GULP1: variants seen among roughly 807,000 people sequenced by gnomAD.
GULP1 encodes PTB domain-containing engulfment adapter protein 1.
Under a neutral mutation model 40.9 loss-of-function variants are expected in GULP1, and 19 were observed. That is an observed-to-expected ratio of 0.46 (90% CI 0.32 to 0.68). GULP1 has a LOEUF of 0.68. Among genes scored for constraint, GULP1 ranks in the 30% least tolerant of loss-of-function variants. The probability of loss-of-function intolerance (pLI) is 0.03; values close to 1 mark genes in which losing one functional copy is unlikely to be tolerated. For synonymous variants in GULP1, 119 were observed against 117.6 expected, an observed-to-expected ratio of 1.01 and a Z score of -0.08; for missense variants, 312 against 362.2, an observed-to-expected ratio of 0.86 and a Z score of 1.12.
At chr2:188,413,076 C>T (rs2054120266) in intron 2 of GULP1, among the ~76,000 whole-genome samples, 1 of 152,184 alleles carries the variant, frequency 6.6e-6, no homozygotes, top group South Asian at 2.1e-4. Context: ...AACTCAGGCT[C>T]TTCCGATTGA....
At chr2:188,592,044 A>G (rs1703662640) in intron 11 of GULP1, 1 of 151,988 alleles carries the variant, frequency 6.6e-6, no homozygotes, top group South Asian at 2.1e-4. Flanking sequence ...AGGATCCTTA[A>G]AAAGTCAATA....
At chr2:188,306,312 C>CT (rs35180734) in intron 1 of GULP1, among the ~76,000 whole-genome samples, 3 of 151,992 alleles carry the variant, frequency 2.0e-5, no homozygotes, top group South Asian at 2.1e-4. Flanking sequence ...GTTTATTTTC[C>CT]TTTTTTTAAA....
intron 2 of GULP1, among the ~76,000 whole-genome samples, chr2:188,393,363 G>A (rs1047990203): frequency 6.6e-6 from 1 of 151,672 alleles, no homozygotes; most frequent in South Asian, 2.1e-4. Context: ...CTGCTTTAAA[G>A]TATGTTTATC....
chr2:188,305,645 C>A (rs1449409643), intron 1 of GULP1, among the ~76,000 whole-genome samples: 1 of 152,322 alleles, frequency 6.6e-6, no homozygotes, highest in Non-Finnish European at 1.5e-5. Context: ...GGATGAAAAA[C>A]AATATATAAT....
At chr2:188,416,508 T>A (rs532303094) in intron 2 of GULP1, among the ~76,000 whole-genome samples, 3 of 152,296 alleles carry the variant, frequency 2.0e-5, no homozygotes, top group South Asian at 4.1e-4. Flanking sequence ...TCAGATTGAT[T>A]ACAGCAAATC....
intron 1 of GULP1, among the ~76,000 whole-genome samples, chr2:188,297,209 G>A (rs928107620): frequency 1.3e-5 from 2 of 150,238 alleles, no homozygotes; most frequent in East Asian, 2.0e-4. Context: ...TTATACCTCC[G>A]AAAGAAGAGA....
rs562722304 is a variant in GULP1 at position 188,376,986 on chromosome 2, A to T, written c.-171-6777A>T. 3.9e-5 allele frequency among the ~76,000 whole-genome samples: 6 copies of T among 152,282 alleles called. No homozygotes were observed. In the South Asian group the frequency reaches 1.2e-3, roughly 32 times the overall value. On this transcript the variant is annotated intron_variant, in intron 1 of 11. Transcript: ENST00000409830. ...CAGGATTTCGAGACCAGCCTGCCCA[A>T]CATAGTGAAAGCCCATCTCTACTAA... is the stretch of plus-strand genomic sequence containing the variant.
chr2:188,531,865 A>G (rs558849473), intron 6 of GULP1, among the ~76,000 whole-genome samples: 2 of 152,314 alleles, frequency 1.3e-5, no homozygotes, highest in South Asian at 4.1e-4. Context: ...TCCTATTCCT[A>G]CATCTTCTTT....
intron 2 of GULP1, among the ~76,000 whole-genome samples, chr2:188,422,760 G>A (rs2055623333): frequency 6.6e-6 from 1 of 151,968 alleles, no homozygotes; most frequent in Admixed American, 6.6e-5. Flanking sequence ...TACTATGAAA[G>A]TACCTTTTCC....
intron 6 of GULP1, among the ~76,000 whole-genome samples, chr2:188,534,402 A>G (rs550616764): frequency 6.6e-6 from 1 of 152,260 alleles, no homozygotes; most frequent in Non-Finnish European, 1.5e-5. Flanking sequence ...AAAACCATAT[A>G]CCATATATTC....
At chr2:188,410,978 T>G (rs1051316823) in intron 2 of GULP1, among the ~76,000 whole-genome samples, 1 of 152,222 alleles carries the variant, frequency 6.6e-6, no homozygotes, top group African/African-American at 2.4e-5. Context: ...ACTCATGTGG[T>G]CATAAGACCT....
At chr2:188,575,532 G>A (rs1427922821) in intron 9 of GULP1, among the ~76,000 whole-genome samples, 1 of 152,180 alleles carries the variant, frequency 6.6e-6, no homozygotes, top group Non-Finnish European at 1.5e-5. Context: ...TGAGAATTTT[G>A]TTTAGAGAAA....
At chr2:188,463,118 C>G (rs572193456) in intron 2 of GULP1, among the ~76,000 whole-genome samples, 15 of 152,184 alleles carry the variant, frequency 9.9e-5, no homozygotes, top group Non-Finnish European at 1.9e-4. Context: ...AGTTTTGTAT[C>G]TTCATTAACA....
At chr2:188,526,781 G>A (rs1218262846) in intron 5 of GULP1, among the ~76,000 whole-genome samples, 3 of 152,034 alleles carry the variant, frequency 2.0e-5, no homozygotes, top group Non-Finnish European at 4.4e-5. Context: ...AAAATATATT[G>A]TATAAAAGAA....
chr2:188,338,108 G>A (rs1278836564), intron 1 of GULP1, among the ~76,000 whole-genome samples: 1 of 151,906 alleles, frequency 6.6e-6, no homozygotes, highest in African/African-American at 2.4e-5. Flanking sequence ...GCAGGTTCTT[G>A]TACAAAGATA....
intron 5 of GULP1, among the ~76,000 whole-genome samples, chr2:188,523,886 T>C (rs1309845674): frequency 2.0e-5 from 3 of 152,336 alleles, no homozygotes; most frequent in Non-Finnish European, 2.9e-5. Context: ...TAAGTAAATA[T>C]GCTAAAATCT....
At chr2:188,507,396 CTTTTTT>C (rs5837091) in intron 4 of GULP1, among the ~76,000 whole-genome samples, 1 of 103,530 alleles carries the variant, frequency 9.7e-6, no homozygotes, top group Non-Finnish European at 2.0e-5. Context: ...CATTTGTTTT[CTTTTTT>C]TTTTTTTTTT....
At chr2:188,370,921 G>T (rs184549470) in intron 1 of GULP1, among the ~76,000 whole-genome samples, 81 of 152,146 alleles carry the variant, frequency 5.3e-4, no homozygotes, top group Middle Eastern at 3.4e-3. Flanking sequence ...GGAGATTGGT[G>T]ACCTATTGAT....
chr2:188,373,553 A>G (rs1308225272), intron 1 of GULP1, among the ~76,000 whole-genome samples: 1 of 151,330 alleles, frequency 6.6e-6, no homozygotes, highest in Non-Finnish European at 1.5e-5. Context: ...TAGTTTTTTT[A>G]TTTTTTTTGA....
Sources: gnomAD v4.1 joint callset for allele counts (sites outside exome capture counted in the v4.1 genomes callset) on GRCh38, gnomAD v4.1.1 for gene constraint, MANE v1.5 for transcripts, NCBI Gene and HGNC (gene_info 2026-07-23, HGNC 2026-07-21) for gene names.